The following GRIK2 variants were observed in gnomAD, a reference collection of about 807,000 sequenced individuals.
The protein encoded by GRIK2 is glutamate receptor ionotropic, kainate 2.
A neutral mutation model predicts 100.3 loss-of-function variants in GRIK2; 32 were observed. The ratio of observed to expected loss-of-function variants is 0.32; its 90% CI spans 0.24 to 0.43. The LOEUF is 0.43. Among genes scored for constraint, GRIK2 ranks in the 20% least tolerant of loss-of-function variants. The pLI is 1.00. For synonymous variants in GRIK2, 417 were observed against 389.4 expected, an observed-to-expected ratio of 1.07 and a Z score of -0.83; for missense variants, 843 against 1,114.9, an observed-to-expected ratio of 0.76 and a Z score of 3.47.
intron 2 of GRIK2, among the ~76,000 whole-genome samples, chr6:101,600,250 CT>C (rs2128309662): frequency 6.6e-6 from 1 of 151,778 alleles, no homozygotes; most frequent in East Asian, 1.9e-4. Flanking sequence ...TTCTTTTCCA[CT>C]GGTCTTTGTG....
At chr6:101,876,359 T>C (rs1007257177) in intron 11 of GRIK2, among the ~76,000 whole-genome samples, 32 of 151,878 alleles carry the variant, frequency 2.1e-4, no homozygotes, top group African/African-American at 6.5e-4. Flanking sequence ...GATCCTTTTT[T>C]ATAAATAATA....
intron 14 of GRIK2, among the ~76,000 whole-genome samples, chr6:101,988,889 TC>T (rs1237445127): frequency 6.6e-6 from 1 of 151,656 alleles, no homozygotes; most frequent in Non-Finnish European, 1.5e-5. Flanking sequence ...TACCAGACCC[TC>T]AGGAAGTTAT....
At chr6:101,904,516 C>T (rs551745152) in intron 12 of GRIK2, among the ~76,000 whole-genome samples, 2 of 151,210 alleles carry the variant, frequency 1.3e-5, no homozygotes, top group South Asian at 2.1e-4. Flanking sequence ...CTTAGGACAA[C>T]CTGTTATTAT....
chr6:101,556,100 G>A (rs981794375), intron 2 of GRIK2, among the ~76,000 whole-genome samples: 48 of 151,704 alleles, frequency 3.2e-4, no homozygotes, highest in Middle Eastern at 3.5e-3. Flanking sequence ...TCACAGATGC[G>A]TCTCTAAATT....
At chr6:102,005,332 T>C (rs905145259) in intron 14 of GRIK2, among the ~76,000 whole-genome samples, 10 of 151,976 alleles carry the variant, frequency 6.6e-5, no homozygotes, top group Non-Finnish European at 1.0e-4. Context: ...ATCTATAAGT[T>C]GTGATCTTTA....
chr6:101,478,683 T>A (rs1245802126), intron 2 of GRIK2, among the ~76,000 whole-genome samples: 1 of 135,922 alleles, frequency 7.4e-6, no homozygotes, highest in Non-Finnish European at 1.7e-5. Flanking sequence ...CTGGCTAATA[T>A]TTTTTTTTTC....
intron 7 of GRIK2, among the ~76,000 whole-genome samples, chr6:101,750,352 G>A (rs971414024): frequency 6.6e-6 from 1 of 152,102 alleles, no homozygotes; most frequent in Non-Finnish European, 1.5e-5. Flanking sequence ...CCCTTCTGAA[G>A]AGCCAGATTT....
chr6:101,425,990 T>G (rs1776678909), intron 2 of GRIK2, among the ~76,000 whole-genome samples: 2 of 152,344 alleles, frequency 1.3e-5, no homozygotes, highest in South Asian at 4.1e-4. Flanking sequence ...GACTTTTCAT[T>G]CTTTCAGACT....
chr6:101,684,053 T>C (rs1254037619), intron 6 of GRIK2, among the ~76,000 whole-genome samples: 1 of 152,188 alleles, frequency 6.6e-6, no homozygotes, highest in Non-Finnish European at 1.5e-5. Flanking sequence ...TGATGACAAC[T>C]CTTACCTCCA....
At chr6:101,455,036 T>C (rs1038714817) in intron 2 of GRIK2, among the ~76,000 whole-genome samples, 1 of 152,128 alleles carries the variant, frequency 6.6e-6, no homozygotes, top group African/African-American at 2.4e-5. Context: ...CTCAATAATT[T>C]ATAAAATCTT....
intron 9 of GRIK2, among the ~76,000 whole-genome samples, chr6:101,817,274 A>G (rs999444377): frequency 1.3e-5 from 2 of 152,212 alleles, no homozygotes; most frequent in African/African-American, 2.4e-5. Context: ...GATTATGCTG[A>G]TGGGACCTTT....
At chr6:101,966,341 G>GTGAT (rs1345845130) in intron 14 of GRIK2, among the ~76,000 whole-genome samples, 1 of 152,170 alleles carries the variant, frequency 6.6e-6, no homozygotes, top group East Asian at 1.9e-4. Context: ...GTCCTGAGAA[G>GTGAT]TGATTGATTT....
chr6:101,926,166 C>A (rs991370248), intron 13 of GRIK2, among the ~76,000 whole-genome samples: 5 of 148,236 alleles, frequency 3.4e-5, no homozygotes, highest in African/African-American at 1.2e-4. Context: ...TTTTCCTTTC[C>A]TACATTTTCT....
intron 6 of GRIK2, among the ~76,000 whole-genome samples, 157 bp downstream of exon 6, chr6:101,682,763 C>G (rs1406039556): frequency 6.6e-6 from 1 of 152,096 alleles, no homozygotes; most frequent in East Asian, 1.9e-4. Flanking sequence ...GAGAGGACAA[C>G]TCTTAATAGA....
chr6:101,589,198 C>T (rs1778527633), intron 2 of GRIK2, among the ~76,000 whole-genome samples: 1 of 151,960 alleles, frequency 6.6e-6, no homozygotes, highest in Non-Finnish European at 1.5e-5. Flanking sequence ...CAACAGATAA[C>T]TTTGTATGGA....
At chr6:101,799,926 A>C (rs1780568138) in intron 8 of GRIK2, 135 bp downstream of exon 8, 1 of 664,900 alleles carries the variant, frequency 1.5e-6, no homozygotes, top group South Asian at 2.1e-5. Context: ...CCAAATAAGC[A>C]AAATTAACAT....
chr6:101,971,542 A>AT (rs1276377970), intron 14 of GRIK2, among the ~76,000 whole-genome samples: 1 of 151,936 alleles, frequency 6.6e-6, no homozygotes, highest in African/African-American at 2.4e-5. Context: ...AAAAATTCTT[A>AT]TTTTTTTCTT....
chr6:102,027,418 CTT>C (rs1237245479), intron 14 of GRIK2, among the ~76,000 whole-genome samples: 1 of 151,010 alleles, frequency 6.6e-6, no homozygotes, highest in Non-Finnish European at 1.5e-5. Context: ...ACAATAAAGT[CTT>C]TTTCAGATTA....
chr6:101,860,134 A>T (rs576211836), intron 11 of GRIK2, among the ~76,000 whole-genome samples: 47 of 152,148 alleles, frequency 3.1e-4, no homozygotes, highest in African/African-American at 1.1e-3. Flanking sequence ...TTATGATCTA[A>T]ACAAGATGGT....
Sources: allele counts gnomAD v4.1 joint callset (sites outside exome capture counted in the v4.1 genomes callset), GRCh38; gene constraint gnomAD v4.1.1; transcripts MANE v1.5; gene names NCBI Gene and HGNC (gene_info 2026-07-23, HGNC 2026-07-21).